SCFD2: variants seen among roughly 807,000 people sequenced by gnomAD.
SCFD2 encodes sec1 family domain-containing protein 2.
SCFD2 carries 54 observed loss-of-function variants against 58.9 expected under a neutral mutation model. That is an observed-to-expected ratio of 0.92 (90% CI 0.74 to 1.15). SCFD2 has a LOEUF of 1.15. Among genes scored for constraint, SCFD2 ranks in the 50% most tolerant of loss-of-function variants. SCFD2 has a pLI of 0.00. For missense variants in SCFD2, 805 were observed against 836.6 expected (o/e 0.96, Z 0.47); for synonymous variants, 321 against 335.9 (o/e 0.96, Z 0.49).
At chr4:53,012,376 T>TCA (rs572964297) in intron 5 of SCFD2, among the ~76,000 whole-genome samples, 2,889 of 147,880 alleles carry the variant, frequency 0.02, 57 homozygotes, top group African/African-American at 0.06. Flanking sequence ...TCTCTCTCTC[T>TCA]CACACACACA....
At chr4:52,991,759 A>G (rs1721617108) in intron 5 of SCFD2, among the ~76,000 whole-genome samples, 1 of 152,106 alleles carries the variant, frequency 6.6e-6, no homozygotes, top group Non-Finnish European at 1.5e-5. Flanking sequence ...CTGTAGCTGT[A>G]GCTGTAGCTG....
At chr4:53,153,210 A>C (rs2148919883) in intron 4 of SCFD2, among the ~76,000 whole-genome samples, 1 of 152,320 alleles carries the variant, frequency 6.6e-6, no homozygotes. Context: ...CTGCCTTAGT[A>C]GAGTCTCTCT....
intron 4 of SCFD2, among the ~76,000 whole-genome samples, chr4:53,176,110 A>T (rs184106124): frequency 6.6e-6 from 1 of 152,360 alleles, no homozygotes; most frequent in East Asian, 1.9e-4. Flanking sequence ...AATGTTGAAG[A>T]TAATAATGGA....
chr4:53,082,704 A>G (rs531596056), intron 5 of SCFD2, among the ~76,000 whole-genome samples: 10 of 152,250 alleles, frequency 6.6e-5, no homozygotes, highest in African/African-American at 2.4e-4. Flanking sequence ...AACAAAAGGC[A>G]GAAGAGGACC....
At chr4:53,093,371 T>C (rs1355309685) in intron 5 of SCFD2, among the ~76,000 whole-genome samples, 1 of 152,142 alleles carries the variant, frequency 6.6e-6, no homozygotes, top group Non-Finnish European at 1.5e-5. Context: ...GAAACAGTAT[T>C]GATGTGAGAG....
intron 5 of SCFD2, among the ~76,000 whole-genome samples, chr4:52,978,146 T>C (rs1721294218): frequency 6.6e-6 from 1 of 152,088 alleles, no homozygotes; most frequent in Admixed American, 6.6e-5. Context: ...AAAGGAGAAT[T>C]GTGGAGAGGG....
chr4:52,955,949 T>G (rs1273434124), intron 5 of SCFD2: 1 of 414,112 alleles, frequency 2.4e-6, no homozygotes, highest in East Asian at 7.1e-5. Context: ...ATCCCTTACA[T>G]TAACCTGGTG....
At position 52,885,822 on chromosome 4, in the gene SCFD2, A is replaced by G; in HGVS notation, c.1887T>C (p.Phe629=). 6.2e-7 allele frequency: 1 copy of G among 1,614,112 alleles called. No individual in the cohort carries two copies. Among genetic ancestry groups the G allele is most frequent in the Non-Finnish European group, 8.5e-7 (1 of 1,179,956 alleles). ...CAGAGACTGTGACCCCACCTACCAC[A>G]AAGAGGATCAGGAGGGGGTAGTCAC... ...HPSDYPLLIL[F]VVGGVTVSEV... The change falls in exon 8 of 9, where the codon TTT becomes TTC. Residue 629 remains phenylalanine, a synonymous_variant. Transcript: ENST00000401642.
intron 5 of SCFD2, among the ~76,000 whole-genome samples, chr4:53,061,251 T>C (rs1439182348): frequency 2.0e-5 from 3 of 152,152 alleles, no homozygotes; most frequent in Non-Finnish European, 2.9e-5. Context: ...CTAATGCTCA[T>C]ATTCATGGAG....
chr4:53,125,803 G>T (rs1341472304), intron 5 of SCFD2, among the ~76,000 whole-genome samples: 1 of 152,220 alleles, frequency 6.6e-6, no homozygotes, highest in African/African-American at 2.4e-5. Context: ...GCAGGGTTTA[G>T]GGCCTGATCA....
At chr4:53,072,053 C>G (rs1453925621) in intron 5 of SCFD2, among the ~76,000 whole-genome samples, 1 of 152,092 alleles carries the variant, frequency 6.6e-6, no homozygotes, top group Non-Finnish European at 1.5e-5. Flanking sequence ...CCACGTGCTT[C>G]CATAACAACT....
chr4:53,218,156 A>G (rs1461773267), intron 4 of SCFD2, among the ~76,000 whole-genome samples: 4 of 151,994 alleles, frequency 2.6e-5, no homozygotes, highest in African/African-American at 9.7e-5. Context: ...TCTTTGTGTC[A>G]TTCTCTGTAT....
chr4:53,339,787 G>C (rs1237885082), intron 2 of SCFD2, among the ~76,000 whole-genome samples: 1 of 151,638 alleles, frequency 6.6e-6, no homozygotes, highest in Non-Finnish European at 1.5e-5. Context: ...AAAAAAAAAA[G>C]TGCTATTACA....
At chr4:53,326,098 A>C (rs957854389) in intron 2 of SCFD2, among the ~76,000 whole-genome samples, 2 of 152,176 alleles carry the variant, frequency 1.3e-5, no homozygotes, top group Admixed American at 1.3e-4. Flanking sequence ...AAAACATTTC[A>C]TAGATTTCAA....
chr4:52,955,862 G>A (rs1011422037), intron 5 of SCFD2: 6 of 344,664 alleles, frequency 1.7e-5, no homozygotes, highest in East Asian at 7.7e-5. Flanking sequence ...TATCCATTGC[G>A]TGCCCAAGTT....
intron 5 of SCFD2, among the ~76,000 whole-genome samples, chr4:52,926,944 C>G (rs560091685): frequency 3.9e-5 from 6 of 152,252 alleles, no homozygotes; most frequent in African/African-American, 1.4e-4. Context: ...AAATATTTGG[C>G]AAATGAAAAC....
At chr4:53,204,498 T>C (rs1728349057) in intron 4 of SCFD2, among the ~76,000 whole-genome samples, 1 of 149,630 alleles carries the variant, frequency 6.7e-6, no homozygotes. Context: ...GAAGATAAAG[T>C]TGAGACTATC....
intron 2 of SCFD2, among the ~76,000 whole-genome samples, chr4:53,319,620 C>T (rs902678635): frequency 8.6e-5 from 13 of 151,936 alleles, no homozygotes; most frequent in African/African-American, 2.9e-4. Context: ...GCAGCCTCCA[C>T]CTTCGGGTTC....
chr4:52,999,418 T>TG (rs1224095213), intron 5 of SCFD2, among the ~76,000 whole-genome samples: 1 of 152,200 alleles, frequency 6.6e-6, no homozygotes, highest in African/African-American at 2.4e-5. Flanking sequence ...CGAAAATGGT[T>TG]GGGGGCAGGA....
Sources: gnomAD v4.1 joint callset for allele counts (sites outside exome capture counted in the v4.1 genomes callset) on GRCh38, gnomAD v4.1.1 for gene constraint, MANE v1.5 for transcripts, NCBI Gene and HGNC (gene_info 2026-07-23, HGNC 2026-07-21) for gene names.